Variants in POC1A observed in about 807,000 individuals in gnomAD.
POC1A encodes the protein POC1 centriolar protein homolog A.
In POC1A, 34 loss-of-function variants were observed where a neutral mutation model predicts 47.8. The observed-to-expected ratio is 0.71, with a 90% CI of 0.54 to 0.95. POC1A has a LOEUF of 0.95. Among genes scored for constraint, POC1A ranks in the 40% least tolerant of loss-of-function variants. The pLI, the probability that POC1A is intolerant of heterozygous loss-of-function variation, is 0.00. For synonymous variants in POC1A, 177 were observed against 207.6 expected (o/e 0.85, Z 1.27); for missense variants, 466 against 528.3 (o/e 0.88, Z 1.16).
chr3:52,150,930 C>A, intron 2 of POC1A, 86 bp downstream of exon 2: 1 of 1,225,566 alleles, frequency 8.2e-7, no homozygotes, highest in Middle Eastern at 1.9e-4. Context: ...TCCTTGTGCT[C>A]TGCTTCCCAC....
In POC1A at chr3:52,076,655, C is replaced by T. The variant is rs983978025; in HGVS notation, c.1126-670G>A. Among the ~76,000 whole-genome samples the T allele has an allele frequency of 8.5e-5, 13 of 152,390 alleles. No individual in the cohort carries two copies. The East Asian group carries it at 1.9e-3, about 23-fold the overall frequency. ...TCTCTGAGCCCACTTTCTCCTCCTT[C>T]GCCCAGTGCGAAAGACAACCAAGCT... On this transcript the variant is annotated intron_variant, in intron 10 of 10. Transcript: ENST00000296484.
At chr3:52,102,001 T>C (rs1446151474) in intron 9 of POC1A, among the ~76,000 whole-genome samples, 1 of 152,234 alleles carries the variant, frequency 6.6e-6, no homozygotes, top group Non-Finnish European at 1.5e-5. Flanking sequence ...TTCTTACATT[T>C]GATCCACATA....
At chr3:52,115,186 A>G (rs1703519535) in intron 9 of POC1A, among the ~76,000 whole-genome samples, 1 of 151,622 alleles carries the variant, frequency 6.6e-6, no homozygotes, top group South Asian at 2.1e-4. Context: ...TCACTACTTT[A>G]CCCAGGCTGG....
chr3:52,083,918 G>A (rs1702378983), intron 10 of POC1A, among the ~76,000 whole-genome samples: 1 of 152,254 alleles, frequency 6.6e-6, no homozygotes, highest in Non-Finnish European at 1.5e-5. Flanking sequence ...GAACTGTCAG[G>A]AGGCCAGGGT....
intron 7 of POC1A, among the ~76,000 whole-genome samples, chr3:52,136,211 G>A (rs1253386107): frequency 6.6e-6 from 1 of 152,122 alleles, no homozygotes; most frequent in Non-Finnish European, 1.5e-5. Context: ...TCAATCCTAA[G>A]TTCCTGTATT....
In POC1A at chr3:52,084,771, G is replaced by T. The variant is rs1195175611; in HGVS notation, c.1126-8786C>A. ...GCTCTTAGCAGAGCCCTGGGTGGTGGTACCTGGGGCCCTCCTTGGTGAGTG... is the reference window on the plus strand; with the variant it reads ...GCTCTTAGCAGAGCCCTGGGTGGTGTTACCTGGGGCCCTCCTTGGTGAGTG... On this transcript the variant is annotated intron_variant, in intron 10 of 10. Transcript: ENST00000296484. The surrounding 1 kb of genome is among the most constrained non-coding windows in gnomAD (Gnocchi z 4.3). 6.6e-6 allele frequency among the ~76,000 whole-genome samples: 1 copy of T among 152,244 alleles called. No individual in the cohort carries two copies. The highest frequency in any genetic ancestry group is 1.5e-5 in the Non-Finnish European group (1 of 68,048).
rs1559845945 is a variant in POC1A, at chr3:52,138,300, G to A, written c.682C>T (p.His228Tyr). The change falls in exon 7 of 11, where the codon CAC (histidine) becomes TAC (tyrosine). Residue 228 changes from histidine to tyrosine, a missense_variant and splice_region_variant. Physicochemically the swap from His to Tyr is moderately conservative, Grantham distance 83. Transcript: ENST00000296484. ...THRLLQHYQL[H>Y]SAAVNGLSFH... ...GAGAGCCCGTTCACTGCTGCACTGT[G>A]CACTGGGGGAAGGACATCAGTCAGG... is the stretch of plus-strand genomic sequence containing the variant. The A allele has an allele frequency of 1.2e-6, 2 of 1,610,968 alleles. No individual in the cohort carries two copies. The highest frequency in any genetic ancestry group is 1.1e-5 in the South Asian group (1 of 90,674).
chr3:52,107,388 T>TCTGGAGTTC (rs1026481043), intron 9 of POC1A, among the ~76,000 whole-genome samples: 3 of 152,244 alleles, frequency 2.0e-5, no homozygotes, highest in African/African-American at 7.2e-5. Context: ...CTGAGTCTGT[T>TCTGGAGTTC]CTGGAGTTCC....
In POC1A at chr3:52,154,393, A is replaced by G. The variant is rs188657915; in HGVS notation, c.-21T>C. 6 of 1,467,196 alleles carry G rather than the reference A, an allele frequency of 4.1e-6. No homozygotes were observed. In the East Asian group the frequency reaches 1.7e-4, roughly 42 times the overall value. The allele number at this position is 1,467,196 out of a possible 1,614,324, so 90.9% of individuals were successfully genotyped here. ...GCCATGGCGGGGCTGGCGGCGCCGAAGGCAGCTGCGGTGGCCGTTGCGGCC... is the reference window on the plus strand; with the variant it reads ...GCCATGGCGGGGCTGGCGGCGCCGAGGGCAGCTGCGGTGGCCGTTGCGGCC... On this transcript the variant is annotated 5_prime_UTR_variant, in exon 1 of 11. Transcript: ENST00000296484.
chr3:52,105,677 A>G (rs1013233406), intron 9 of POC1A, among the ~76,000 whole-genome samples: 4 of 152,184 alleles, frequency 2.6e-5, no homozygotes, highest in Admixed American at 6.5e-5. Context: ...ATCCAACAGG[A>G]GAAGAAACTT....
At chr3:52,124,638 T>C (rs1703926888) in intron 8 of POC1A, among the ~76,000 whole-genome samples, 1 of 152,136 alleles carries the variant, frequency 6.6e-6, no homozygotes, top group South Asian at 2.1e-4. Context: ...TGCTGGGACT[T>C]AGTTTCCTCA....
intron 7 of POC1A, among the ~76,000 whole-genome samples, chr3:52,136,531 A>G (rs1401847435): frequency 6.6e-6 from 1 of 152,198 alleles, no homozygotes; most frequent in Non-Finnish European, 1.5e-5. Flanking sequence ...ATGAATGAAC[A>G]AACAGACAGA....
chr3:52,077,897 G>A (rs1559804628), intron 10 of POC1A, among the ~76,000 whole-genome samples: 1 of 152,002 alleles, frequency 6.6e-6, no homozygotes, highest in Non-Finnish European at 1.5e-5. Flanking sequence ...TCAATACAAG[G>A]GACTCCACTT....
At chr3:52,143,019 G>A (rs1698249472) in intron 6 of POC1A, among the ~76,000 whole-genome samples, 2 of 152,064 alleles carry the variant, frequency 1.3e-5, no homozygotes, top group South Asian at 4.2e-4. Flanking sequence ...GGATGACTCC[G>A]CTATCCTGTG....
chr3:52,140,622 G>T (rs948953544), intron 6 of POC1A, among the ~76,000 whole-genome samples: 2 of 152,160 alleles, frequency 1.3e-5, no homozygotes, highest in Admixed American at 6.5e-5. Context: ...TAAATGCCAG[G>T]AATACCCAAG....
At chr3:52,139,220 A>C (rs2107164406) in intron 6 of POC1A, among the ~76,000 whole-genome samples, 1 of 152,270 alleles carries the variant, frequency 6.6e-6, no homozygotes, top group South Asian at 2.1e-4. Flanking sequence ...GATGCTACTA[A>C]GTTAAGCACA....
At chr3:52,131,514 T>C (rs888268841) in intron 7 of POC1A, among the ~76,000 whole-genome samples, 1 of 152,114 alleles carries the variant, frequency 6.6e-6, no homozygotes, top group Non-Finnish European at 1.5e-5. Context: ...GAGCCTCAAA[T>C]AGGGCACTGG....
chr3:52,100,268 A>G (rs1271379855), intron 9 of POC1A, among the ~76,000 whole-genome samples: 2 of 152,202 alleles, frequency 1.3e-5, no homozygotes, highest in East Asian at 1.9e-4. Flanking sequence ...CAGCTTGTAG[A>G]TCTTCCTTGT....
chr3:52,087,363 A>G (rs997760002), intron 10 of POC1A, among the ~76,000 whole-genome samples: 1 of 152,078 alleles, frequency 6.6e-6, no homozygotes, highest in Non-Finnish European at 1.5e-5. Context: ...AACAATTTCT[A>G]AAAAAATTCC....
Sources: gnomAD v4.1 joint callset for allele counts (sites outside exome capture counted in the v4.1 genomes callset) on GRCh38, gnomAD v4.1.1 for gene constraint, Gnocchi (gnomAD v3.1) non-coding constraint, MANE v1.5 for transcripts, NCBI Gene and HGNC (gene_info 2026-07-23, HGNC 2026-07-21) for gene names.